NKAIN3: variants seen among roughly 807,000 people sequenced by gnomAD.
NKAIN3 encodes the protein sodium/potassium-transporting ATPase subunit beta-1-interacting protein 3.
Under a neutral mutation model 30.2 loss-of-function variants are expected in NKAIN3, and 25 were observed. That is an observed-to-expected ratio of 0.83 (90% CI 0.60 to 1.16). The LOEUF is 1.16. Among genes scored for constraint, NKAIN3 ranks in the 50% most tolerant of loss-of-function variants. The probability of loss-of-function intolerance (pLI) is 0.00; values close to 1 mark genes in which losing one functional copy is unlikely to be tolerated. For synonymous variants in NKAIN3, 91 were observed against 89.6 expected, an observed-to-expected ratio of 1.02 and a Z score of -0.09; for missense variants, 225 against 254.1, an observed-to-expected ratio of 0.89 and a Z score of 0.78.
At chr8:62,863,950 G>C in intron 4 of NKAIN3, 2 of 885,908 alleles carry the variant, frequency 2.3e-6, no homozygotes, top group Non-Finnish European at 3.8e-6. Context: ...CAAAGGTGGC[G>C]GTGGTGGTGG....
chr8:62,917,153 C>G (rs577541831), intron 4 of NKAIN3, among the ~76,000 whole-genome samples: 1 of 152,234 alleles, frequency 6.6e-6, no homozygotes, highest in East Asian at 1.9e-4. Flanking sequence ...AGGGCACACA[C>G]ACACATCCTG....
intron 3 of NKAIN3, among the ~76,000 whole-genome samples, chr8:62,599,826 G>C (rs2130142089): frequency 6.6e-6 from 1 of 151,924 alleles, no homozygotes; most frequent in East Asian, 1.9e-4. Flanking sequence ...CTTCCCCTAG[G>C]AGTACTTTAA....
intron 1 of NKAIN3, among the ~76,000 whole-genome samples, chr8:62,536,294 C>A (rs920616704): frequency 2.0e-5 from 3 of 152,144 alleles, no homozygotes; most frequent in African/African-American, 7.2e-5. Flanking sequence ...TGACAGATCT[C>A]TAGCTGAAGA....
intron 1 of NKAIN3, among the ~76,000 whole-genome samples, chr8:62,537,830 C>A (rs561380903): frequency 5.9e-5 from 9 of 152,224 alleles, no homozygotes; most frequent in Admixed American, 2.6e-4. Context: ...CTTTCTGAGC[C>A]ACTTTGGTCA....
At chr8:62,633,570 C>T (rs966668326) in intron 3 of NKAIN3, among the ~76,000 whole-genome samples, 1 of 152,136 alleles carries the variant, frequency 6.6e-6, no homozygotes, top group African/African-American at 2.4e-5. Flanking sequence ...GAGAGGGGCA[C>T]CACAGATAAC....
intron 3 of NKAIN3, among the ~76,000 whole-genome samples, chr8:62,619,579 G>A (rs1298633402): frequency 1.3e-5 from 2 of 151,806 alleles, no homozygotes; most frequent in Non-Finnish European, 2.9e-5. Flanking sequence ...TCCCTAAAAT[G>A]TATAAAACCA....
intron 5 of NKAIN3, among the ~76,000 whole-genome samples, 197 bp from the exon 6 acceptor site, chr8:62,953,705 G>T (rs916516162): frequency 6.6e-6 from 1 of 152,018 alleles, no homozygotes; most frequent in African/African-American, 2.4e-5. Flanking sequence ...TATGAATCCA[G>T]GTTATTTCTG....
chr8:62,975,915 T>A lies in NKAIN3; in HGVS notation c.*10508T>A, dbSNP rs1266286210. Among the ~76,000 whole-genome samples, 1 of 152,206 alleles carries A rather than the reference T, an allele frequency of 6.6e-6. No homozygotes were observed. The highest frequency in any genetic ancestry group is 1.5e-5 in the Non-Finnish European group (1 of 68,034). On this transcript the variant is annotated 3_prime_UTR_variant, in exon 7 of 7. Coordinates refer to ENST00000623646, the MANE Select transcript of NKAIN3 (RefSeq NM_001304533.3). ...TCTTGTTGGTTTCAAAGAACTTATT[T>A]ATTTCTGCTGTGATCTCATTATTTT...
chr8:62,367,064 T>G (rs1816760546), intron 1 of NKAIN3, among the ~76,000 whole-genome samples: 1 of 152,216 alleles, frequency 6.6e-6, no homozygotes, highest in African/African-American at 2.4e-5. Context: ...ATACTTGATA[T>G]TATTTCAGTC....
intron 1 of NKAIN3, among the ~76,000 whole-genome samples, chr8:62,252,229 G>A (rs1474923357): frequency 6.6e-6 from 1 of 152,114 alleles, no homozygotes; most frequent in East Asian, 1.9e-4. Flanking sequence ...GGTGTTGAAA[G>A]GGGATGGCGT....
chr8:62,551,408 G>C lies in NKAIN3; in HGVS notation c.55-28131G>C, dbSNP rs151139133. 4.0e-3 allele frequency among the ~76,000 whole-genome samples: 609 copies of C among 152,292 alleles called. 4 individuals are homozygous for C. The highest frequency in any genetic ancestry group is 0.013 in the African/African-American group (548 of 41,562). ...TTGAAACATCAGTGCAATTGAACAT[G>C]ATGAGGAGGGAAATTCAAGGAGTTG... is the stretch of plus-strand genomic sequence containing the variant. On this transcript the variant is annotated intron_variant, in intron 1 of 6. Coordinates refer to ENST00000623646, the MANE Select transcript of NKAIN3 (RefSeq NM_001304533.3).
At chr8:62,652,121 C>T (rs189638956) in intron 3 of NKAIN3, among the ~76,000 whole-genome samples, 586 of 152,210 alleles carry the variant, frequency 3.8e-3, no homozygotes, top group Non-Finnish European at 7.0e-3. Context: ...GGGTCCATCT[C>T]CCTGACCTAA....
chr8:62,737,065 G>A (rs986224306), intron 3 of NKAIN3, among the ~76,000 whole-genome samples: 19 of 152,150 alleles, frequency 1.2e-4, no homozygotes, highest in African/African-American at 4.6e-4. Flanking sequence ...AGAACCTATA[G>A]CCTCAATCTG....
chr8:62,344,684 G>A (rs756918186), intron 1 of NKAIN3, among the ~76,000 whole-genome samples: 18 of 151,996 alleles, frequency 1.2e-4, no homozygotes, highest in Non-Finnish European at 2.5e-4. Flanking sequence ...ACTTCTAATT[G>A]CTATGTTTTT....
At chr8:62,722,406 A>G (rs1438091399) in intron 3 of NKAIN3, among the ~76,000 whole-genome samples, 4 of 152,212 alleles carry the variant, frequency 2.6e-5, no homozygotes, top group Non-Finnish European at 5.9e-5. Context: ...AAAATTTTGA[A>G]GAATGAAATA....
chr8:62,827,948 T>C (rs775149602), intron 4 of NKAIN3, among the ~76,000 whole-genome samples: 11 of 152,222 alleles, frequency 7.2e-5, no homozygotes, highest in Middle Eastern at 3.4e-3. Flanking sequence ...TAAAATATAA[T>C]GAAGTTCTGC....
chr8:62,256,427 T>C (rs936643605), intron 1 of NKAIN3, among the ~76,000 whole-genome samples: 6 of 151,276 alleles, frequency 4.0e-5, no homozygotes, highest in South Asian at 2.1e-4. Context: ...TCTAAATAAA[T>C]AAACAAACAA....
At chr8:62,899,870 T>A (rs1169446819) in intron 4 of NKAIN3, among the ~76,000 whole-genome samples, 1 of 152,058 alleles carries the variant, frequency 6.6e-6, no homozygotes, top group Non-Finnish European at 1.5e-5. Flanking sequence ...TACATACACC[T>A]TCAATATACC....
At chr8:62,546,545 A>AT (rs1326887837) in intron 1 of NKAIN3, among the ~76,000 whole-genome samples, 1 of 152,138 alleles carries the variant, frequency 6.6e-6, no homozygotes, top group Non-Finnish European at 1.5e-5. Context: ...TATAGCAGTA[A>AT]TTACTTCTCC....
Sources: gnomAD v4.1 joint callset for allele counts (sites outside exome capture counted in the v4.1 genomes callset) on GRCh38, gnomAD v4.1.1 for gene constraint, MANE v1.5 for transcripts, NCBI Gene and HGNC (gene_info 2026-07-23, HGNC 2026-07-21) for gene names.